RASGEF1A: variants seen among roughly 807,000 people sequenced by gnomAD.
RASGEF1A encodes the protein ras-GEF domain-containing family member 1A.
RASGEF1A carries 18 observed loss-of-function variants against 56.4 expected under a neutral mutation model. That is an observed-to-expected ratio of 0.32 (90% CI 0.22 to 0.47). RASGEF1A has a LOEUF of 0.47. Among genes scored for constraint, RASGEF1A ranks in the 20% least tolerant of loss-of-function variants. The pLI, the probability that RASGEF1A is intolerant of heterozygous loss-of-function variation, is 1.00. For synonymous variants in RASGEF1A, 245 were observed against 242.6 expected, an observed-to-expected ratio of 1.01 and a Z score of -0.09; for missense variants, 422 against 627.1, an observed-to-expected ratio of 0.67 and a Z score of 3.49.
chr10:43,214,701 A>G (rs575166902), intron 1 of RASGEF1A, among the ~76,000 whole-genome samples: 2 of 152,308 alleles, frequency 1.3e-5, no homozygotes, highest in East Asian at 3.9e-4. Flanking sequence ...ACACTGTCGG[A>G]ATTCTAGGAC....
intron 1 of RASGEF1A, among the ~76,000 whole-genome samples, chr10:43,242,571 T>G (rs1465294302): frequency 1.3e-5 from 2 of 152,048 alleles, no homozygotes; most frequent in African/African-American, 4.8e-5. Flanking sequence ...CTCCCTCTCT[T>G]GCAGAGCCTG....
intron 1 of RASGEF1A, chr10:43,207,443 C>CACACACACAG (rs1491149038): frequency 1.0e-6 from 1 of 976,998 alleles, no homozygotes; most frequent in East Asian, 1.2e-4. Context: ...CACACACACA[C>CACACACACAG]AGCACGTCCC....
At chr10:43,211,157 C>T (rs981990751) in intron 1 of RASGEF1A, among the ~76,000 whole-genome samples, 1 of 152,214 alleles carries the variant, frequency 6.6e-6, no homozygotes, top group Non-Finnish European at 1.5e-5. Context: ...GGAGGACGCG[C>T]CTCACTCCCT....
intron 5 of RASGEF1A, among the ~76,000 whole-genome samples, 177 bp downstream of exon 5, chr10:43,200,490 C>G (rs1839877025): frequency 6.6e-6 from 1 of 152,172 alleles, no homozygotes. Flanking sequence ...GTGCCAGGCA[C>G]AGAGGTGCCC....
chr10:43,197,718 T>C (rs1156395525), intron 10 of RASGEF1A, among the ~76,000 whole-genome samples: 1 of 152,186 alleles, frequency 6.6e-6, no homozygotes, highest in Non-Finnish European at 1.5e-5. Context: ...CAGGGCTCTC[T>C]CCCTGGTAGG....
chr10:43,201,028 G>A, intron 4 of RASGEF1A, 140 bp from the exon 5 acceptor site: 1 of 722,628 alleles, frequency 1.4e-6, no homozygotes, highest in East Asian at 2.7e-5. Context: ...CAGCCTTCAG[G>A]CCTTCAAGGA....
chr10:43,248,041 T>TA (rs1278674910), intron 1 of RASGEF1A, among the ~76,000 whole-genome samples: 1 of 113,476 alleles, frequency 8.8e-6, no homozygotes, highest in Non-Finnish European at 1.7e-5. Flanking sequence ...TTTCTATTTA[T>TA]AAAAAATAAG....
At chr10:43,252,959 C>G (rs1293883953) in intron 1 of RASGEF1A, among the ~76,000 whole-genome samples, 1 of 152,172 alleles carries the variant, frequency 6.6e-6, no homozygotes, top group Non-Finnish European at 1.5e-5. Context: ...AACCCCAGCT[C>G]TCCTCACAGA....
At chr10:43,238,865 T>A (rs1419226309) in intron 1 of RASGEF1A, among the ~76,000 whole-genome samples, 2 of 152,158 alleles carry the variant, frequency 1.3e-5, no homozygotes, top group Non-Finnish European at 2.9e-5. Flanking sequence ...TGATATCAAA[T>A]GGAAATGAGG....
chr10:43,203,233 C>T, intron 3 of RASGEF1A, 65 bp downstream of exon 3: 1 of 1,500,022 alleles, frequency 6.7e-7, no homozygotes, highest in Non-Finnish European at 9.0e-7. Context: ...TGCCTCCAGC[C>T]CCTAGCCTTG....
intron 1 of RASGEF1A, among the ~76,000 whole-genome samples, chr10:43,259,999 C>T (rs998987283): frequency 2.0e-5 from 3 of 152,194 alleles, no homozygotes; most frequent in South Asian, 2.1e-4. Context: ...CCCTAGAGCA[C>T]GGGAGCGACC....
Position 43,243,936 on chromosome 10 carries a change from T to C in RASGEF1A, c.-7+22909A>G, listed in dbSNP as rs573007308. On this transcript the variant is annotated intron_variant, in intron 1 of 12. Transcript: ENST00000395810. ...GCCATGATGACGATGGTGGTTTTGTTGAAAAGAAAAGGGGGAAATGTGGGG... is the reference window on the plus strand; with the variant it reads ...GCCATGATGACGATGGTGGTTTTGTCGAAAAGAAAAGGGGGAAATGTGGGG... 1.4e-3 allele frequency among the ~76,000 whole-genome samples: 211 copies of C among 151,766 alleles called. 12 individuals are homozygous for C. The South Asian group carries it at 0.041, about 29-fold the overall frequency.
Position 43,206,914 on chromosome 10 carries a change from C to T in RASGEF1A, c.-6-792G>A, listed in dbSNP as rs1347126271. ...TGCAGATGTCTGAGCAGCTGGGCCT[C>T]CTGGAGGCCTCGGTGCCCACACTGG... On this transcript the variant is annotated intron_variant, in intron 1 of 12. Coordinates refer to ENST00000395810, the MANE Select transcript of RASGEF1A (RefSeq NM_145313.4). 7.1e-6 allele frequency: 7 copies of T among 985,492 alleles called. No individual in the cohort carries two copies. In the East Asian group the frequency reaches 6.8e-4, roughly 96 times the overall value. The allele number at this position is 985,492 out of a possible 1,614,324, so 61.0% of individuals were successfully genotyped here.
chr10:43,213,500 A>G (rs1564532822), intron 1 of RASGEF1A, among the ~76,000 whole-genome samples: 1 of 152,184 alleles, frequency 6.6e-6, no homozygotes, highest in Non-Finnish European at 1.5e-5. Flanking sequence ...TAAGAAAGTA[A>G]GAGGAGGGAC....
At chr10:43,262,470 C>T (rs1836546425) in intron 1 of RASGEF1A, among the ~76,000 whole-genome samples, 1 of 152,178 alleles carries the variant, frequency 6.6e-6, no homozygotes, top group South Asian at 2.1e-4. Flanking sequence ...CTGCTTCCCT[C>T]TCCTCTCCTC....
chr10:43,202,644 C>A (rs747739156), intron 3 of RASGEF1A: 2 of 466,802 alleles, frequency 4.3e-6, no homozygotes, highest in Non-Finnish European at 8.8e-6. Context: ...GGACCCCGCC[C>A]CCGGCCCCCG....
intron 1 of RASGEF1A, among the ~76,000 whole-genome samples, chr10:43,262,758 G>A (rs554048686): frequency 6.6e-6 from 1 of 152,356 alleles, no homozygotes; most frequent in South Asian, 2.1e-4. Context: ...CCTCCTGGCA[G>A]GAGGGAGACC....
At chr10:43,251,265 T>A (rs1180577304) in intron 1 of RASGEF1A, among the ~76,000 whole-genome samples, 1 of 152,100 alleles carries the variant, frequency 6.6e-6, no homozygotes, top group Non-Finnish European at 1.5e-5. Context: ...CCTGGGGCCC[T>A]CATGAAAAGC....
At chr10:43,243,012 C>A (rs1476863290) in intron 1 of RASGEF1A, among the ~76,000 whole-genome samples, 3 of 151,132 alleles carry the variant, frequency 2.0e-5, no homozygotes, top group Non-Finnish European at 4.4e-5. Context: ...ATGTGAGGAG[C>A]CCCTCTGCCC....
Sources: gnomAD v4.1 joint callset for allele counts (sites outside exome capture counted in the v4.1 genomes callset) on GRCh38, gnomAD v4.1.1 for gene constraint, MANE v1.5 for transcripts, NCBI Gene and HGNC (gene_info 2026-07-23, HGNC 2026-07-21) for gene names.